Variants in PASD1 observed in about 807,000 individuals in gnomAD.
PASD1 encodes the protein circadian clock protein PASD1.
Under a neutral mutation model 58.8 loss-of-function variants are expected in PASD1, and 13 were observed. That is an observed-to-expected ratio of 0.22 (90% confidence interval 0.14 to 0.35). The LOEUF is 0.35. Among genes scored for constraint, PASD1 ranks in the 10% least tolerant of loss-of-function variants. PASD1 has a pLI of 1.00. For synonymous variants in PASD1, 236 were observed against 216.7 expected (o/e 1.09, Z -0.78); for missense variants, 734 against 568.3 (o/e 1.29, Z -2.96).
intron 10 of PASD1, among the ~76,000 whole-genome samples, chrX:151,662,004 A>G (rs1011620663): frequency 4.5e-5 from 5 of 112,095 alleles, no homozygotes; most frequent in African/African-American, 1.6e-4. Flanking sequence ...TCCCCTTTGT[A>G]CTTATCAAAT....
At chrX:151,586,260 T>A (rs1403761911) in intron 1 of PASD1, among the ~76,000 whole-genome samples, 5 of 112,450 alleles carry the variant, frequency 4.4e-5, no homozygotes, top group Non-Finnish European at 9.4e-5. Context: ...TTCACATCAG[T>A]TGGGCCTCCA....
intron 9 of PASD1, among the ~76,000 whole-genome samples, 164 bp from the exon 10 acceptor site, chrX:151,659,549 T>A (rs1006787672): frequency 8.9e-6 from 1 of 112,303 alleles, no homozygotes; most frequent in African/African-American, 3.2e-5. Context: ...CAGCAATATT[T>A]TTAAGGAGGT....
chrX:151,591,034 C>T (rs2013239375), intron 1 of PASD1, among the ~76,000 whole-genome samples: 1 of 111,936 alleles, frequency 8.9e-6, no homozygotes, highest in African/African-American at 3.2e-5. Context: ...AGATTTTGAT[C>T]AGTAAGTCAC....
intron 8 of PASD1, among the ~76,000 whole-genome samples, chrX:151,642,132 C>A (rs62609300): frequency 0.034 from 3,795 of 111,844 alleles, 64 homozygotes; most frequent in Middle Eastern, 0.079. Context: ...CCTTTGTTAG[C>A]AGGAAGGCAT....
At chrX:151,591,307 A>G (rs181673533) in intron 1 of PASD1, among the ~76,000 whole-genome samples, 2 of 111,969 alleles carry the variant, frequency 1.8e-5, no homozygotes, top group East Asian at 2.8e-4. Context: ...ACAAATATCT[A>G]TGTATGTATA....
At chrX:151,578,751 C>T (rs1022788267) in intron 1 of PASD1, among the ~76,000 whole-genome samples, 1 of 111,835 alleles carries the variant, frequency 8.9e-6, no homozygotes, top group African/African-American at 3.3e-5. Flanking sequence ...CTCTGAGTGG[C>T]TTTGAGATGG....
intron 1 of PASD1, among the ~76,000 whole-genome samples, chrX:151,568,651 C>T (rs2012882542): frequency 9.0e-6 from 1 of 111,703 alleles, no homozygotes; most frequent in Non-Finnish European, 1.9e-5. Context: ...ATGTATGTTT[C>T]ACTTGCTGCA....
chrX:151,572,933 A>T (rs1379894899), intron 1 of PASD1, among the ~76,000 whole-genome samples: 1 of 99,681 alleles, frequency 1.0e-5, no homozygotes, highest in East Asian at 3.2e-4. Context: ...TGGCTTCTGG[A>T]TGGAGCTTTT....
At chrX:151,581,957 T>C (rs2013101646) in intron 1 of PASD1, among the ~76,000 whole-genome samples, 1 of 105,040 alleles carries the variant, frequency 9.5e-6, no homozygotes, top group African/African-American at 3.4e-5. Context: ...CCCAATAATA[T>C]GTCCTTGAAT....
intron 3 of PASD1, 45 bp from the exon 4 acceptor site, chrX:151,611,619 T>C (rs372292561): frequency 5.2e-5 from 49 of 935,369 alleles, no homozygotes; most frequent in Non-Finnish European, 7.0e-5. Context: ...TATCATTTTA[T>C]TATTGTTCCA....
At chrX:151,661,394 G>A (rs1055409205) in intron 10 of PASD1, among the ~76,000 whole-genome samples, 1 of 111,784 alleles carries the variant, frequency 8.9e-6, no homozygotes, top group South Asian at 3.7e-4. Flanking sequence ...AGGAAGTGAC[G>A]GAGTGGTTCA....
intron 1 of PASD1, among the ~76,000 whole-genome samples, chrX:151,581,227 C>CAAAAAAAAAA (rs55664238): frequency 4.1e-4 from 13 of 31,496 alleles, no homozygotes; most frequent in Admixed American, 7.8e-4. Context: ...AGCTCTGTAT[C>CAAAAAAAAAA]AAAAAAAAAA....
Position 151,581,227 on chromosome X carries a change from C to CAAAAAAAAAAAAAAAAAAAAAA in PASD1, c.-28+17393_-28+17414dup. On this transcript the variant is annotated intron_variant, in intron 1 of 15. Transcript: ENST00000370357. Reference sequence around the variant, plus strand: ...TAGGCAACAGAGTAAAGCTCTGTATCAAAAAAAAAAAAAAAAAAAAAAAAA... The same window carrying CAAAAAAAAAAAAAAAAAAAAAA: ...TAGGCAACAGAGTAAAGCTCTGTATCAAAAAAAAAAAAAAAAAAAAAAAAAAAAAAAAAAAAAAAAAAAAAAA... 2.3e-3 allele frequency among the ~76,000 whole-genome samples: 71 copies of CAAAAAAAAAAAAAAAAAAAAAA among 31,494 alleles called. 2 individuals are homozygous for CAAAAAAAAAAAAAAAAAAAAAA. The highest frequency in any genetic ancestry group is 3.0e-3 in the Non-Finnish European group (54 of 18,063). The allele number at this position is 31,494 out of a possible 115,157, so 27.3% of individuals were successfully genotyped here.
chrX:151,621,432 T>C (rs2013707740), intron 5 of PASD1, 50 bp from the exon 6 acceptor site: 2 of 923,729 alleles, frequency 2.2e-6, no homozygotes, highest in Non-Finnish European at 3.0e-6. Context: ...CAGTAGAATA[T>C]GGTAAAGTAC....
intron 1 of PASD1, among the ~76,000 whole-genome samples, chrX:151,594,463 T>A (rs1193654451): frequency 2.7e-5 from 3 of 111,665 alleles, no homozygotes; most frequent in Admixed American, 1.9e-4. Flanking sequence ...GCCTTTTATT[T>A]GTTGTCTAGG....
chrX:151,611,348 T>C (rs2013555080), intron 3 of PASD1, among the ~76,000 whole-genome samples: 2 of 111,795 alleles, frequency 1.8e-5, no homozygotes, highest in South Asian at 7.5e-4. Context: ...AAATTAAGTG[T>C]TCTTAAAGTG....
At chrX:151,675,264 C>G (rs2014530391) in intron 15 of PASD1, among the ~76,000 whole-genome samples, 1 of 111,507 alleles carries the variant, frequency 9.0e-6, no homozygotes, top group Non-Finnish European at 1.9e-5. Flanking sequence ...CAGGGGCTCC[C>G]TGCTATCCTC....
chrX:151,624,631 AGTT>A (rs909091602), intron 7 of PASD1, among the ~76,000 whole-genome samples: 1 of 111,612 alleles, frequency 9.0e-6, no homozygotes, highest in African/African-American at 3.3e-5. Context: ...GAGCTATTAC[AGTT>A]GTTGTGATCA....
At chrX:151,607,083 C>T in intron 3 of PASD1, among the ~76,000 whole-genome samples, 2 of 112,016 alleles carry the variant, frequency 1.8e-5, no homozygotes, top group Middle Eastern at 9.2e-3. Context: ...TTCCACACCA[C>T]TTCTTCCCTA....
Sources: allele counts gnomAD v4.1 joint callset (sites outside exome capture counted in the v4.1 genomes callset), GRCh38; gene constraint gnomAD v4.1.1; transcripts MANE v1.5; gene names NCBI Gene and HGNC (gene_info 2026-07-23, HGNC 2026-07-21).